The following FER variants were observed in gnomAD, a reference collection of about 807,000 sequenced individuals.
FER encodes tyrosine-protein kinase Fer.
Under a neutral mutation model 111.0 loss-of-function variants are expected in FER, and 63 were observed. That is an observed-to-expected ratio of 0.57 (90% confidence interval 0.46 to 0.70). FER has a LOEUF of 0.70. Ranked by LOEUF, FER falls within the 30% of genes least tolerant of loss-of-function variation. The probability of loss-of-function intolerance (pLI) is 0.00; values close to 1 mark genes in which losing one functional copy is unlikely to be tolerated. For missense variants in FER, 914 were observed against 954.0 expected (o/e 0.96, Z 0.55); for synonymous variants, 327 against 313.9 (o/e 1.04, Z -0.44).
intron 13 of FER, among the ~76,000 whole-genome samples, chr5:108,967,074 C>T (rs1274310757): frequency 2.0e-5 from 3 of 152,310 alleles, no homozygotes; most frequent in African/African-American, 4.8e-5. Context: ...AGGCCTCACA[C>T]AGCCACTTTA....
At chr5:109,111,325 A>G (rs1343414544) in intron 17 of FER, among the ~76,000 whole-genome samples, 2 of 152,152 alleles carry the variant, frequency 1.3e-5, no homozygotes, top group Admixed American at 6.5e-5. Flanking sequence ...AATCAATGTT[A>G]TCTATAGAAC....
At chr5:108,883,198 A>G (rs1412952316) in intron 8 of FER, among the ~76,000 whole-genome samples, 198 bp from the exon 9 acceptor site, 2 of 152,058 alleles carry the variant, frequency 1.3e-5, no homozygotes, top group African/African-American at 2.4e-5. Context: ...CCAGTAAGGT[A>G]GCCAGTAGCT....
At chr5:108,836,827 C>A (rs953242917) in intron 5 of FER, among the ~76,000 whole-genome samples, 3 of 151,870 alleles carry the variant, frequency 2.0e-5, no homozygotes, top group Non-Finnish European at 4.4e-5. Context: ...CTTCTTCCTT[C>A]CTCTCCCTTG....
chr5:108,856,238 T>G (rs1269183832), intron 5 of FER, among the ~76,000 whole-genome samples: 1 of 152,156 alleles, frequency 6.6e-6, no homozygotes, highest in East Asian at 1.9e-4. Context: ...CAGAGTAATT[T>G]TTAAAAATGG....
At chr5:108,888,707 TAGTG>T (rs1747547403) in intron 9 of FER, among the ~76,000 whole-genome samples, 1 of 151,936 alleles carries the variant, frequency 6.6e-6, no homozygotes, top group Admixed American at 6.6e-5. Flanking sequence ...GTATTTTACA[TAGTG>T]AGACCAGCAA....
intron 5 of FER, among the ~76,000 whole-genome samples, chr5:108,847,831 G>C (rs1762167095): frequency 6.6e-6 from 1 of 151,786 alleles, no homozygotes; most frequent in South Asian, 2.1e-4. Context: ...AGCCATTCCA[G>C]CTTTCTTTTG....
At chr5:108,823,153 C>T (rs1287390308) in intron 3 of FER, among the ~76,000 whole-genome samples, 2 of 152,214 alleles carry the variant, frequency 1.3e-5, no homozygotes, top group African/African-American at 4.8e-5. Context: ...AGGCATGAAC[C>T]ACTGTGCCTG....
intron 13 of FER, among the ~76,000 whole-genome samples, chr5:108,967,361 G>A (rs1759998878): frequency 6.6e-6 from 1 of 152,082 alleles, no homozygotes; most frequent in African/African-American, 2.4e-5. Flanking sequence ...GCTAAGTCTG[G>A]GACTTCTATG....
chr5:108,786,727 C>G (rs1452822970), intron 2 of FER, among the ~76,000 whole-genome samples: 2 of 152,102 alleles, frequency 1.3e-5, no homozygotes, highest in East Asian at 3.9e-4. Context: ...GTCTCGATCT[C>G]CTAACCTCGT....
At chr5:109,029,600 A>G (rs918653271) in intron 13 of FER, among the ~76,000 whole-genome samples, 1 of 151,688 alleles carries the variant, frequency 6.6e-6, no homozygotes, top group South Asian at 2.1e-4. Flanking sequence ...GTTTTACCAC[A>G]TTTACTATTT....
intron 17 of FER, among the ~76,000 whole-genome samples, chr5:109,142,539 G>A (rs1437893847): frequency 6.6e-6 from 1 of 152,054 alleles, no homozygotes; most frequent in African/African-American, 2.4e-5. Flanking sequence ...TGAAAAGAAA[G>A]GCATACTTTT....
At position 108,878,473 on chromosome 5, in the gene FER, G is replaced by A. The variant is rs531186966; in HGVS notation, c.924-4923G>A. 2.6e-5 allele frequency among the ~76,000 whole-genome samples: 4 copies of A among 151,956 alleles called. No homozygotes were observed. In the South Asian group the frequency reaches 6.2e-4, roughly 24 times the overall value. On this transcript the variant is annotated intron_variant, in intron 8 of 19. Transcript: ENST00000281092. Reference sequence around the variant, plus strand: ...GGAATTATTTTATGCATATTCCTTAGCATCATCTTCTTTTTTTTAACATGT... The same window carrying A: ...GGAATTATTTTATGCATATTCCTTAACATCATCTTCTTTTTTTTAACATGT...
chr5:109,048,660 T>C (rs780848922), intron 16 of FER, among the ~76,000 whole-genome samples: 5 of 152,076 alleles, frequency 3.3e-5, no homozygotes, highest in African/African-American at 9.7e-5. Context: ...CATTAGAAAA[T>C]TGAAAATATA....
chr5:109,080,752 A>G (rs1041607441), intron 16 of FER, among the ~76,000 whole-genome samples: 3 of 152,146 alleles, frequency 2.0e-5, no homozygotes, highest in African/African-American at 4.8e-5. Flanking sequence ...ATAAACTATG[A>G]TAATGAGTAA....
At chr5:108,848,821 G>C (rs993476900) in intron 5 of FER, among the ~76,000 whole-genome samples, 6 of 151,928 alleles carry the variant, frequency 3.9e-5, no homozygotes, top group African/African-American at 1.4e-4. Context: ...ACTTTTGCCT[G>C]AATGGCTTAC....
chr5:109,047,273 T>C, intron 16 of FER, 75 bp downstream of exon 16: 1 of 836,978 alleles, frequency 1.2e-6, no homozygotes, highest in Non-Finnish European at 1.9e-6. Context: ...TTCGATCTCT[T>C]TGATTTCTCC....
intron 13 of FER, among the ~76,000 whole-genome samples, chr5:109,019,720 C>T (rs1208577429): frequency 2.0e-5 from 3 of 151,704 alleles, no homozygotes; most frequent in East Asian, 1.9e-4. Context: ...TGGTGGAGGT[C>T]ATTCATTTCT....
At position 109,180,743 on chromosome 5, in the gene FER, C is replaced by A; in HGVS notation, c.2049-4C>A. On this transcript the variant is annotated splice_polypyrimidine_tract_variant and splice_region_variant and intron_variant, in intron 17 of 19. Coordinates refer to ENST00000281092, the MANE Select transcript of FER (RefSeq NM_005246.4). ...GGCGTTTTCTGTGTCTTACTGTAAC[C>A]TAGGGACCTTGCTGCAAGAAACTGC... The A allele has an allele frequency of 6.2e-7, 1 of 1,609,636 alleles. No individual in the cohort carries two copies. The highest frequency in any genetic ancestry group is 1.1e-5 in the South Asian group (1 of 90,132).
At chr5:109,154,895 GT>G (rs1755204191) in intron 17 of FER, among the ~76,000 whole-genome samples, 2 of 151,958 alleles carry the variant, frequency 1.3e-5, no homozygotes, top group East Asian at 3.9e-4. Flanking sequence ...CAGTGGCTTC[GT>G]GTATAAAACA....
Sources: gnomAD v4.1 joint callset for allele counts (sites outside exome capture counted in the v4.1 genomes callset) on GRCh38, gnomAD v4.1.1 for gene constraint, MANE v1.5 for transcripts, NCBI Gene and HGNC (gene_info 2026-07-23, HGNC 2026-07-21) for gene names.